The following RSRC1 variants were observed in gnomAD, a reference collection of about 807,000 sequenced individuals.
RSRC1 encodes the protein serine/Arginine-related protein 53.
In RSRC1, 39 loss-of-function variants were observed where a neutral mutation model predicts 49.1. The observed-to-expected ratio is 0.79, with a 90% CI of 0.61 to 1.04. RSRC1 has a LOEUF of 1.04. Ranked by LOEUF, RSRC1 falls within the 50% of genes least tolerant of loss-of-function variation. RSRC1 has a pLI of 0.00. For synonymous variants in RSRC1, 143 were observed against 130.8 expected (o/e 1.09, Z -0.63); for missense variants, 388 against 402.4 (o/e 0.96, Z 0.31).
intron 3 of RSRC1, among the ~76,000 whole-genome samples, chr3:158,189,407 C>T (rs1010134298): frequency 1.3e-5 from 2 of 151,848 alleles, no homozygotes; most frequent in Non-Finnish European, 2.9e-5. Context: ...TAAGTTTTGT[C>T]AACTTCTGCT....
intron 6 of RSRC1, among the ~76,000 whole-genome samples, chr3:158,438,978 AC>A (rs1372142869): frequency 3.3e-5 from 5 of 152,046 alleles, no homozygotes; most frequent in South Asian, 4.1e-4. Flanking sequence ...TAAGAAAAAA[AC>A]AACCCCATCA....
At chr3:158,511,855 G>C (rs1436018275) in intron 7 of RSRC1, among the ~76,000 whole-genome samples, 1 of 151,976 alleles carries the variant, frequency 6.6e-6, no homozygotes, top group Non-Finnish European at 1.5e-5. Context: ...GTTTTGATTT[G>C]CATTTCTCTG....
intron 4 of RSRC1, among the ~76,000 whole-genome samples, chr3:158,242,032 C>CTTTTTTTTTTTTT (rs34356543): frequency 4.5e-5 from 3 of 66,618 alleles, no homozygotes; most frequent in African/African-American, 6.5e-5. Context: ...AATTTCCAAC[C>CTTTTTTTTTTTTT]TTTTTTTTTT....
At chr3:158,194,946 C>G (rs900474722) in intron 3 of RSRC1, among the ~76,000 whole-genome samples, 16 of 152,016 alleles carry the variant, frequency 1.1e-4, no homozygotes, top group Non-Finnish European at 2.1e-4. Flanking sequence ...TGCATAGTGC[C>G]ACAATAAACA....
chr3:158,478,446 T>C (rs2108432603), intron 7 of RSRC1, among the ~76,000 whole-genome samples: 1 of 152,148 alleles, frequency 6.6e-6, no homozygotes, highest in East Asian at 1.9e-4. Flanking sequence ...AATTAAACTC[T>C]CAGACATAAT....
Position 158,202,576 on chromosome 3 carries a change from A to G in RSRC1, c.321-496A>G, listed in dbSNP as rs1353505433. 4.9e-5 allele frequency among the ~76,000 whole-genome samples: 7 copies of G among 142,378 alleles called. 2 individuals are homozygous for G. The highest frequency in any genetic ancestry group is 1.6e-4 in the African/African-American group (6 of 37,286). 93.4% of individuals were successfully genotyped at this position (142,378 alleles called of 152,430 possible). A position where few individuals can be genotyped will look rare whatever the true frequency, so the allele number is the denominator to read the frequency against. ...AGTCTGGTAGATTATATATATATAT[A>G]TATATGTTTTATCAATATTGTAACC... On this transcript the variant is annotated intron_variant, in intron 3 of 9. Coordinates refer to ENST00000611884, the MANE Select transcript of RSRC1 (RefSeq NM_001271838.2).
chr3:158,187,042 G>T (rs900718418), intron 3 of RSRC1, among the ~76,000 whole-genome samples: 1 of 151,870 alleles, frequency 6.6e-6, no homozygotes, highest in Admixed American at 6.6e-5. Context: ...GCAGTATGTC[G>T]TAGTTGAAAG....
intron 3 of RSRC1, among the ~76,000 whole-genome samples, chr3:158,135,832 A>G (rs1300367015): frequency 6.6e-6 from 1 of 152,182 alleles, no homozygotes; most frequent in Admixed American, 6.5e-5. Context: ...TTCCTGTCTA[A>G]GGACCCTTGA....
intron 7 of RSRC1, among the ~76,000 whole-genome samples, chr3:158,473,768 TA>T (rs778428620): frequency 6.6e-6 from 1 of 152,132 alleles, no homozygotes; most frequent in Non-Finnish European, 1.5e-5. Context: ...GGCAAGTTTT[TA>T]ATGTCAATAA....
intron 5 of RSRC1, among the ~76,000 whole-genome samples, chr3:158,349,542 A>G (rs1340151309): frequency 2.1e-5 from 3 of 141,410 alleles, no homozygotes; most frequent in Non-Finnish European, 4.7e-5. Context: ...ATGTGATACA[A>G]ATTTCTAACA....
chr3:158,519,776 T>A (rs1711553046), intron 7 of RSRC1, among the ~76,000 whole-genome samples: 1 of 152,118 alleles, frequency 6.6e-6, no homozygotes, highest in African/African-American at 2.4e-5. Flanking sequence ...GGAAAGATGT[T>A]AAGGCTAGAG....
intron 3 of RSRC1, among the ~76,000 whole-genome samples, chr3:158,149,826 T>A (rs1717412827): frequency 6.6e-6 from 1 of 152,140 alleles, no homozygotes; most frequent in South Asian, 2.1e-4. Context: ...AAAATCATGT[T>A]CCTATTGTTC....
intron 5 of RSRC1, among the ~76,000 whole-genome samples, chr3:158,331,929 A>G (rs78457192): frequency 0.011 from 1,672 of 151,548 alleles, 42 homozygotes; most frequent in African/African-American, 0.038. Flanking sequence ...CTTTCATAAT[A>G]TATATCTTTT....
chr3:158,157,057 A>AT (rs1393265564), intron 3 of RSRC1, among the ~76,000 whole-genome samples: 1 of 152,198 alleles, frequency 6.6e-6, no homozygotes, highest in African/African-American at 2.4e-5. Flanking sequence ...CCTGTACGTT[A>AT]TTTAGCAAAC....
intron 6 of RSRC1, among the ~76,000 whole-genome samples, chr3:158,368,376 A>G (rs746080810): frequency 3.3e-5 from 5 of 152,194 alleles, no homozygotes; most frequent in Non-Finnish European, 7.3e-5. Context: ...AGGCCAGTTA[A>G]TGGTCATATG....
chr3:158,530,114 T>TGAC (rs1712296434), intron 7 of RSRC1, among the ~76,000 whole-genome samples: 1 of 151,960 alleles, frequency 6.6e-6, no homozygotes. Flanking sequence ...TCTACTTGCC[T>TGAC]GAACTCAAGA....
chr3:158,157,359 CA>C (rs1717939947), intron 3 of RSRC1, among the ~76,000 whole-genome samples: 1 of 152,166 alleles, frequency 6.6e-6, no homozygotes, highest in East Asian at 1.9e-4. Context: ...CTGAGTCTTA[CA>C]ACTGTATCGA....
chr3:158,445,541 T>C (rs919500650), intron 6 of RSRC1, among the ~76,000 whole-genome samples: 18 of 151,912 alleles, frequency 1.2e-4, no homozygotes, highest in African/African-American at 4.4e-4. Flanking sequence ...CATTAGGAGA[T>C]ACACCTAACA....
At chr3:158,499,966 A>C (rs564321755) in intron 7 of RSRC1, among the ~76,000 whole-genome samples, 2 of 151,812 alleles carry the variant, frequency 1.3e-5, no homozygotes, top group South Asian at 4.2e-4. Context: ...AATGCTTTCA[A>C]CTCTTCCCCA....
Sources: allele counts gnomAD v4.1 joint callset (sites outside exome capture counted in the v4.1 genomes callset), GRCh38; gene constraint gnomAD v4.1.1; transcripts MANE v1.5; gene names NCBI Gene and HGNC (gene_info 2026-07-23, HGNC 2026-07-21).